The following ZNF506 variants were observed in gnomAD, a reference collection of about 807,000 sequenced individuals.
The protein encoded by ZNF506 is zinc finger protein 506.
Under a neutral mutation model 11.6 loss-of-function variants are expected in ZNF506, and 10 were observed. The observed-to-expected ratio is 0.86, with a 90% CI of 0.53 to 1.46. The LOEUF (loss-of-function observed/expected upper bound fraction) is 1.46, where lower values mean the gene tolerates loss of function less well. Ranked by LOEUF, ZNF506 falls within the 40% of genes most tolerant of loss-of-function variation. The pLI is 0.00. For missense variants in ZNF506, 425 were observed against 521.2 expected, an observed-to-expected ratio of 0.82 and a Z score of 1.80; for synonymous variants, 156 against 173.3, an observed-to-expected ratio of 0.90 and a Z score of 0.78.
intron 1 of ZNF506, among the ~76,000 whole-genome samples, chr19:19,810,470 G>A (rs1302747823): frequency 2.0e-5 from 3 of 152,100 alleles, no homozygotes; most frequent in Admixed American, 2.0e-4. Flanking sequence ...AACATCCTGG[G>A]AGCTGGCACT....
rs1467103802 is a variant in ZNF506, at chr19:19,821,707, C to A, written c.-104G>T. 4.2e-6 allele frequency: 6 copies of A among 1,438,312 alleles called. No individual in the cohort carries two copies. The highest frequency in any genetic ancestry group is 2.8e-5 in the African/African-American group (2 of 71,328). 89.1% of individuals were successfully genotyped at this position (1,438,312 alleles called of 1,614,324 possible). On this transcript the variant is annotated 5_prime_UTR_variant, in exon 1 of 4. Coordinates refer to ENST00000540806, the MANE Select transcript of ZNF506 (RefSeq NM_001099269.3). ...GCCTCTAGGAGCTGACGGCACAGAG[C>A]AGTGAAGACGATAGCTGGATCTCTG...
intron 1 of ZNF506, among the ~76,000 whole-genome samples, 187 bp downstream of exon 1, chr19:19,821,414 G>A (rs575468969): frequency 3.3e-5 from 5 of 152,286 alleles, no homozygotes; most frequent in Admixed American, 1.3e-4. Context: ...ACACCCCGGG[G>A]ACCCGCTGTC....
chr19:19,805,868 G>A (rs1045966157), intron 3 of ZNF506, among the ~76,000 whole-genome samples, 163 bp downstream of exon 3: 1 of 151,804 alleles, frequency 6.6e-6, no homozygotes, highest in African/African-American at 2.4e-5. Flanking sequence ...CTTTGTGAGA[G>A]CAAAATTAAA....
At chr19:19,814,625 G>C (rs2145203401) in intron 1 of ZNF506, among the ~76,000 whole-genome samples, 1 of 151,838 alleles carries the variant, frequency 6.6e-6, no homozygotes, top group East Asian at 1.9e-4. Context: ...AAAGTAATCT[G>C]CACACCAAAC....
In ZNF506 at chr19:19,795,033, T is replaced by G. The variant is rs774975571; in HGVS notation, c.854A>C (p.Tyr285Ser). The change falls in exon 4 of 4, where the codon TAC becomes TCC. Residue 285 changes from tyrosine to serine, a missense_variant. By Grantham distance (144) the Tyr-to-Ser change is moderately radical. Around this residue, in one of 3 missense-constraint regions of ZNF506, gnomAD observed 192 missense variants for 215.7 expected, o/e 0.89. Transcript: ENST00000540806. ...HKKIHTGEKP[Y>S]KCDKCGKAFI... Reference sequence around the variant, plus strand: ...GGCTTTGCCACATTTATCACACTTGTATGGTTTCTCTCCAGTATGAATTTT... The same window carrying G: ...GGCTTTGCCACATTTATCACACTTGGATGGTTTCTCTCCAGTATGAATTTT... The G allele has an allele frequency of 4.3e-6, 7 of 1,613,912 alleles. No individual in the cohort carries two copies. The East Asian group carries it at 8.9e-5, about 21-fold the overall frequency.
At chr19:19,799,566 T>A (rs2062773074) in intron 3 of ZNF506, 1 of 501,080 alleles carries the variant, frequency 2.0e-6, no homozygotes, top group Non-Finnish European at 3.5e-6. Context: ...AATTGATAAA[T>A]TTTCAAATAT....
At chr19:19,818,854 G>A (rs1448859441) in intron 1 of ZNF506, among the ~76,000 whole-genome samples, 6 of 152,134 alleles carry the variant, frequency 3.9e-5, no homozygotes, top group Admixed American at 6.5e-5. Context: ...CGGGCGCAGT[G>A]GCGGGCACCT....
At chr19:19,801,717 G>T (rs1171229332) in intron 3 of ZNF506, among the ~76,000 whole-genome samples, 4 of 151,936 alleles carry the variant, frequency 2.6e-5, no homozygotes, top group Admixed American at 6.6e-5. Context: ...CTTGTACCCA[G>T]GAGGCGGAGG....
rs750111722 is a variant in ZNF506, at chr19:19,794,519, C to G, written c.*33G>C. ...GGCTAGTTAAAGGCTTTCCCACATT[C>G]ATCACATTCATACGGTTTCTCTCCA... On this transcript the variant is annotated 3_prime_UTR_variant, in exon 4 of 4. Coordinates refer to ENST00000540806, the MANE Select transcript of ZNF506 (RefSeq NM_001099269.3). 17 of 1,549,158 alleles carry G rather than the reference C, an allele frequency of 1.1e-5. No individual in the cohort carries two copies. The highest frequency in any genetic ancestry group is 2.0e-5 in the Admixed American group (1 of 49,076).
chr19:19,801,698 G>T lies in ZNF506; in HGVS notation c.226+4333C>A, dbSNP rs527454279. 2.6e-3 allele frequency among the ~76,000 whole-genome samples: 398 copies of T among 151,148 alleles called. 4 individuals carry two copies. The highest frequency in any genetic ancestry group is 9.3e-3 in the African/African-American group (377 of 40,670). ...CCCAGCTACTCGGGAGGCTGTGGCA[G>T]AAGAATCTCTTGTACCCAGGAGGCG... is the stretch of plus-strand genomic sequence containing the variant. On this transcript the variant is annotated intron_variant, in intron 3 of 3. Coordinates refer to ENST00000540806, the MANE Select transcript of ZNF506 (RefSeq NM_001099269.3).
intron 1 of ZNF506, among the ~76,000 whole-genome samples, chr19:19,814,731 G>A (rs1378222611): frequency 6.6e-6 from 1 of 152,132 alleles, no homozygotes; most frequent in African/African-American, 2.4e-5. Flanking sequence ...GGGTGGGAGA[G>A]AGTGCAATGT....
At chr19:19,818,865 A>C (rs956089021) in intron 1 of ZNF506, among the ~76,000 whole-genome samples, 3 of 152,028 alleles carry the variant, frequency 2.0e-5, no homozygotes, top group African/African-American at 7.2e-5. Context: ...GCGGGCACCT[A>C]TAGTCCTAGC....
chr19:19,814,436 A>ATAC (rs754283632), intron 1 of ZNF506, among the ~76,000 whole-genome samples: 1 of 149,470 alleles, frequency 6.7e-6, no homozygotes, highest in Admixed American at 6.6e-5. Flanking sequence ...AATAATAATA[A>ATAC]TGCAGAAACA....
At chr19:19,807,816 G>T (rs193200925) in intron 1 of ZNF506, among the ~76,000 whole-genome samples, 4,088 of 151,766 alleles carry the variant, frequency 0.027, 74 homozygotes, top group Non-Finnish European at 0.042. Flanking sequence ...TCAATTTTTT[G>T]AATTTCTAAC....
chr19:19,801,605 A>G (rs2062793511), intron 3 of ZNF506, among the ~76,000 whole-genome samples: 1 of 152,112 alleles, frequency 6.6e-6, no homozygotes, highest in Non-Finnish European at 1.5e-5. Flanking sequence ...AGCATGGCCA[A>G]CATGGTGAAA....
intron 1 of ZNF506, among the ~76,000 whole-genome samples, chr19:19,818,751 C>T (rs1440117319): frequency 2.0e-5 from 3 of 152,024 alleles, no homozygotes; most frequent in African/African-American, 7.3e-5. Flanking sequence ...GTCTGTAATC[C>T]CAGCACTTCG....
intron 3 of ZNF506, chr19:19,799,597 T>G: frequency 2.1e-6 from 1 of 478,348 alleles, no homozygotes; most frequent in Non-Finnish European, 3.7e-6. Flanking sequence ...TACAATACAC[T>G]CTTGAGCATG....
At position 19,795,593 on chromosome 19, in the gene ZNF506, C is replaced by G; in HGVS notation, c.294G>C (p.Val98=). ...EQSIKDSFQK[V]ILRRYEKCRH... ...TACATTTTTCATATCTTCTTAGTAT[C>G]ACTTTTTGGAAAGAATCTTTTATGC... The change falls in exon 4 of 4, where the codon GTG becomes GTC. Residue 98 remains valine, a synonymous_variant. Coordinates refer to ENST00000540806, the MANE Select transcript of ZNF506 (RefSeq NM_001099269.3). 1 of 1,567,152 alleles carries G rather than the reference C, an allele frequency of 6.4e-7. No individual in the cohort carries two copies. The highest frequency in any genetic ancestry group is 8.6e-7 in the Non-Finnish European group (1 of 1,162,400).
At chr19:19,820,095 CAAA>C (rs879774686) in intron 1 of ZNF506, among the ~76,000 whole-genome samples, 2 of 122,046 alleles carry the variant, frequency 1.6e-5, no homozygotes, top group Admixed American at 8.5e-5. Context: ...GACTCCATCT[CAAA>C]AAAAAAAAAA....
Sources: allele counts gnomAD v4.1 joint callset (sites outside exome capture counted in the v4.1 genomes callset), GRCh38; gene constraint gnomAD v4.1.1; regional missense constraint gnomAD v4.1.1; transcripts MANE v1.5; gene names NCBI Gene and HGNC (gene_info 2026-07-23, HGNC 2026-07-21).